GLCCI1: variants seen among roughly 807,000 people sequenced by gnomAD.
GLCCI1 encodes the protein glucocorticoid induced 1.
GLCCI1 carries 24 observed loss-of-function variants against 52.2 expected under a neutral mutation model. That is an observed-to-expected ratio of 0.46 (90% CI 0.33 to 0.65). The LOEUF (loss-of-function observed/expected upper bound fraction) is 0.65. Ranked by LOEUF, GLCCI1 falls within the 30% of genes least tolerant of loss-of-function variation. The probability of loss-of-function intolerance (pLI) is 0.02; values close to 1 mark genes in which losing one functional copy is unlikely to be tolerated. For synonymous variants in GLCCI1, 310 were observed against 276.5 expected (o/e 1.12, Z -1.20); for missense variants, 704 against 701.5 (o/e 1.00, Z -0.04).
At chr7:8,035,627 A>G (rs1241042873) in intron 3 of GLCCI1, among the ~76,000 whole-genome samples, 3 of 152,166 alleles carry the variant, frequency 2.0e-5, no homozygotes, top group African/African-American at 7.2e-5. Context: ...TGTATGTTTT[A>G]GGCTGAAGAC....
At chr7:8,028,189 A>G (rs1781663002) in intron 3 of GLCCI1, among the ~76,000 whole-genome samples, 1 of 152,212 alleles carries the variant, frequency 6.6e-6, no homozygotes, top group South Asian at 2.1e-4. Context: ...GATCATTCTC[A>G]AAGACAGACC....
At position 8,086,132 on chromosome 7, in the gene GLCCI1, G is replaced by A. The variant is rs2127970515; in HGVS notation, c.1299-61G>A. ...GTTTTAGAGAACTCCAGTTAATTCA[G>A]AAAATGCTTAACTTTTTCTGTGTTC... On this transcript the variant is annotated intron_variant, in intron 7 of 7. Transcript: ENST00000223145. The surrounding 1 kb of genome is among the most constrained non-coding windows in gnomAD (Gnocchi z 4.4). 1.4e-6 allele frequency: 2 copies of A among 1,427,286 alleles called. No individual in the cohort carries two copies. Among genetic ancestry groups the A allele is most frequent in the East Asian group, 2.3e-5 (1 of 44,008 alleles). The allele number at this position is 1,427,286 out of a possible 1,614,324, so 88.4% of individuals were successfully genotyped here. A position where few individuals can be genotyped will look rare whatever the true frequency, so the allele number is the denominator to read the frequency against.
chr7:8,044,046 A>C (rs1015636961), intron 3 of GLCCI1, among the ~76,000 whole-genome samples: 1 of 150,742 alleles, frequency 6.6e-6, no homozygotes, highest in Non-Finnish European at 1.5e-5. Context: ...CCGGGTTCAC[A>C]CCATTCTCCT....
rs768033367 is a variant in GLCCI1, at chr7:8,071,079, C to T, written c.1125C>T (p.Ser375=). The stretch of plus-strand genomic sequence containing the variant: ...TCTCCCCTTTTTGTCCCCCGGAATC[C>T]CAGGATGGTAGCCCTTGCTCAACAG... ...PCVSPFCPPE[S]QDGSPCSTED... The change falls in exon 6 of 8, where the codon TCC becomes TCT. Residue 375 remains serine (S), a synonymous_variant. Transcript: ENST00000223145. 10 of 1,614,056 alleles carry T rather than the reference C, an allele frequency of 6.2e-6. No individual in the cohort carries two copies. Among genetic ancestry groups the T allele is most frequent in the Admixed American group, 3.3e-5 (2 of 59,998 alleles).
Position 7,969,210 on chromosome 7 carries a change from A to T in GLCCI1, c.-141A>T. ...TGTGCGTTGGGGAGGGGGAGCCCCG[A>T]GACTCCTCCCCCACAGCGATACCCC... On this transcript the variant is annotated 5_prime_UTR_variant, in exon 1 of 8. Transcript: ENST00000223145. The surrounding 1 kb of genome is among the most constrained non-coding windows in gnomAD (Gnocchi z 4.9). The T allele has an allele frequency of 5.2e-6, 3 of 572,354 alleles. No homozygotes were observed. The highest frequency in any genetic ancestry group is 1.2e-4 in the South Asian group (2 of 16,108). 35.5% of individuals were successfully genotyped at this position (572,354 alleles called of 1,614,324 possible). A position where few individuals can be genotyped will look rare whatever the true frequency, so the allele number is the denominator to read the frequency against.
chr7:7,988,272 C>T (rs1192818112), intron 1 of GLCCI1, among the ~76,000 whole-genome samples: 3 of 151,970 alleles, frequency 2.0e-5, no homozygotes, highest in African/African-American at 7.2e-5. Context: ...TGCTGATGAG[C>T]AGAGTTTTTT....
At chr7:8,054,468 T>G (rs1782340752) in intron 3 of GLCCI1, among the ~76,000 whole-genome samples, 1 of 152,160 alleles carries the variant, frequency 6.6e-6, no homozygotes, top group Non-Finnish European at 1.5e-5. Flanking sequence ...CTTTATTTTC[T>G]TCTATATTGT....
intron 1 of GLCCI1, chr7:7,980,902 C>T (rs1402723465): frequency 3.2e-6 from 2 of 623,594 alleles, no homozygotes; most frequent in Non-Finnish European, 5.9e-6. Flanking sequence ...TGATGACATT[C>T]CTGATTTATT....
chr7:8,035,565 T>A (rs929434375), intron 3 of GLCCI1, among the ~76,000 whole-genome samples: 1 of 152,176 alleles, frequency 6.6e-6, no homozygotes, highest in Non-Finnish European at 1.5e-5. Flanking sequence ...ACCTCCCCCT[T>A]ATATGTGGAG....
chr7:8,007,314 T>C (rs1469845720), intron 2 of GLCCI1, among the ~76,000 whole-genome samples: 10 of 152,228 alleles, frequency 6.6e-5, no homozygotes, highest in African/African-American at 2.4e-4. Context: ...ACATACATAT[T>C]ACATCGTTAT....
Position 8,011,505 on chromosome 7 carries a change from A to G in GLCCI1, c.609+7446A>G, listed in dbSNP as rs115190803. Among the ~76,000 whole-genome samples the G allele has an allele frequency of 8.7e-3, 1,321 of 152,316 alleles. 20 individuals carry two copies. Among genetic ancestry groups the G allele is most frequent in the African/African-American group, 0.03 (1,234 of 41,576 alleles). On this transcript the variant is annotated intron_variant, in intron 2 of 7. Coordinates refer to ENST00000223145, the MANE Select transcript of GLCCI1 (RefSeq NM_138426.4). Reference sequence around the variant, plus strand: ...CCTTTTTAAAGCAGAATAATATTCCATTAGATATACATACCACATTTTCTT... The same window carrying G: ...CCTTTTTAAAGCAGAATAATATTCCGTTAGATATACATACCACATTTTCTT...
At chr7:7,999,919 AT>A (rs1781019792) in intron 1 of GLCCI1, among the ~76,000 whole-genome samples, 1 of 152,136 alleles carries the variant, frequency 6.6e-6, no homozygotes, top group Non-Finnish European at 1.5e-5. Flanking sequence ...CACAAATAAA[AT>A]AAACACCACC....
At chr7:8,077,103 C>T (rs1318688413) in intron 6 of GLCCI1, among the ~76,000 whole-genome samples, 1 of 152,134 alleles carries the variant, frequency 6.6e-6, no homozygotes, top group Non-Finnish European at 1.5e-5. Context: ...GAAGTAACTG[C>T]TAAAACTGTC....
chr7:8,052,675 C>T (rs1584002355), intron 3 of GLCCI1, among the ~76,000 whole-genome samples: 1 of 152,236 alleles, frequency 6.6e-6, no homozygotes. Context: ...AATTACTTCA[C>T]TTTCCAGCTA....
At chr7:7,989,881 A>T (rs767715375) in intron 1 of GLCCI1, among the ~76,000 whole-genome samples, 8 of 152,126 alleles carry the variant, frequency 5.3e-5, no homozygotes, top group African/African-American at 1.7e-4. Flanking sequence ...AATAGCTGAG[A>T]TATAGGTGAA....
At chr7:8,084,339 G>C (rs1783055409) in intron 6 of GLCCI1, among the ~76,000 whole-genome samples, 1 of 152,174 alleles carries the variant, frequency 6.6e-6, no homozygotes, top group Non-Finnish European at 1.5e-5. Context: ...CATTTTAAAG[G>C]TAAAATTCTG....
chr7:8,053,515 A>T (rs10231036), intron 3 of GLCCI1, among the ~76,000 whole-genome samples: 31 of 139,422 alleles, frequency 2.2e-4, no homozygotes, highest in African/African-American at 2.7e-4. Flanking sequence ...TTTTTTTTTT[A>T]GCAGAGATGG....
In GLCCI1 at chr7:8,084,959, A is replaced by T; in HGVS notation, c.1240A>T (p.Met414Leu). 2 of 1,614,162 alleles carry T rather than the reference A, an allele frequency of 1.2e-6. No homozygotes were observed. The highest frequency in any genetic ancestry group is 3.3e-4 in the Middle Eastern group (2 of 6,060). Residue 414 changes from methionine (M) to leucine (L), a missense_variant, in exon 7 of 8, where the codon ATG (methionine) becomes TTG (leucine). Around this residue, in one of 3 missense-constraint regions of GLCCI1, gnomAD observed 8 missense variants for 23.8 expected, o/e 0.34. Transcript: ENST00000223145. ...ASSPKPNNSY[M>L]FKREPPEGCE... ...ATCTCCCAAACCAAACAACAGCTAC[A>T]TGTTCAAACGGGAGCCCCCAGAGGG... is the stretch of plus-strand genomic sequence containing the variant.
chr7:7,983,415 A>G (rs918018522), intron 1 of GLCCI1, among the ~76,000 whole-genome samples: 3 of 152,178 alleles, frequency 2.0e-5, no homozygotes, highest in African/African-American at 4.8e-5. Context: ...GTATTATTCC[A>G]TAGTTAATGT....
Sources: allele counts gnomAD v4.1 joint callset (sites outside exome capture counted in the v4.1 genomes callset), GRCh38; gene constraint gnomAD v4.1.1; regional missense constraint gnomAD v4.1.1; non-coding constraint Gnocchi (gnomAD v3.1); transcripts MANE v1.5; gene names NCBI Gene and HGNC (gene_info 2026-07-23, HGNC 2026-07-21).